THEMIS: variants seen among roughly 807,000 people sequenced by gnomAD.
THEMIS encodes the protein protein THEMIS.
Under a neutral mutation model 52.6 loss-of-function variants are expected in THEMIS, and 37 were observed. The ratio of observed to expected loss-of-function variants is 0.70; its 90% CI spans 0.54 to 0.93. The LOEUF is 0.93. Among genes scored for constraint, THEMIS ranks in the 40% least tolerant of loss-of-function variants. The pLI is 0.00. For synonymous variants in THEMIS, 292 were observed against 272.7 expected, an observed-to-expected ratio of 1.07 and a Z score of -0.70; for missense variants, 808 against 763.1, an observed-to-expected ratio of 1.06 and a Z score of -0.69.
chr6:127,866,913 G>C (rs1486064391), intron 1 of THEMIS, among the ~76,000 whole-genome samples: 1 of 151,312 alleles, frequency 6.6e-6, no homozygotes, highest in Non-Finnish European at 1.5e-5. Flanking sequence ...CAGGCACAAA[G>C]AGCTTTGGCT....
At chr6:127,822,869 A>T (rs1237045535) in intron 3 of THEMIS, among the ~76,000 whole-genome samples, 5 of 152,100 alleles carry the variant, frequency 3.3e-5, no homozygotes, top group Non-Finnish European at 7.4e-5. Context: ...ATTCTCCCTC[A>T]AAACTGCAGC....
intron 2 of THEMIS, among the ~76,000 whole-genome samples, chr6:127,850,836 G>C (rs1464278359): frequency 6.6e-6 from 1 of 151,424 alleles, no homozygotes; most frequent in Non-Finnish European, 1.5e-5. Flanking sequence ...CACCACTAAA[G>C]AACTTATCCA....
downstream of THEMIS, among the ~76,000 whole-genome samples, chr6:127,703,101 G>A (rs186008511): frequency 0.063 from 8,052 of 127,420 alleles, 266 homozygotes; most frequent in Middle Eastern, 0.1. Flanking sequence ...AGGCTGGAGT[G>A]CAGTGGCGGG....
At chr6:127,757,848 A>C (rs1222554677) in intron 4 of THEMIS, among the ~76,000 whole-genome samples, 1 of 152,130 alleles carries the variant, frequency 6.6e-6, no homozygotes, top group African/African-American at 2.4e-5. Context: ...ATAGCTAAGA[A>C]TATTATCTTC....
At chr6:127,740,407 G>A (rs1775158640) in intron 4 of THEMIS, among the ~76,000 whole-genome samples, 1 of 151,418 alleles carries the variant, frequency 6.6e-6, no homozygotes, top group Non-Finnish European at 1.5e-5. Context: ...TTTAAATGTT[G>A]CTAAAAAAAA....
intron 4 of THEMIS, among the ~76,000 whole-genome samples, chr6:127,765,498 AAT>A (rs1776165033): frequency 6.6e-6 from 1 of 152,112 alleles, no homozygotes. Context: ...GTTTGTAAAT[AAT>A]GAAAAGAAAT....
chr6:127,846,027 C>T lies in THEMIS; in HGVS notation c.250+9003G>A, dbSNP rs115835668. Among the ~76,000 whole-genome samples, 508 of 152,008 alleles carry T rather than the reference C, an allele frequency of 3.3e-3. 3 individuals carry two copies. The highest frequency in any genetic ancestry group is 0.012 in the African/African-American group (481 of 41,514). On this transcript the variant is annotated intron_variant, in intron 2 of 5. Transcript: ENST00000368248. ...TTTCAATTACCTGACTGAGTGTTGA[C>T]AGAATGTTCCCAAATGAACAACAGA... is the stretch of plus-strand genomic sequence containing the variant.
At chr6:127,874,358 C>T (rs1214330934) in intron 1 of THEMIS, among the ~76,000 whole-genome samples, 2 of 152,116 alleles carry the variant, frequency 1.3e-5, no homozygotes, top group Non-Finnish European at 2.9e-5. Context: ...CTGTGACTAG[C>T]ACCATAAACA....
At chr6:127,828,535 T>C (rs1778584882) in intron 3 of THEMIS, among the ~76,000 whole-genome samples, 1 of 152,204 alleles carries the variant, frequency 6.6e-6, no homozygotes. Context: ...TTCAGAACTC[T>C]TTACTATCCA....
Position 127,787,880 on chromosome 6 carries a change from T to TAGATAGATAGATAGATAGATATAG in THEMIS, c.1758+25002_1758+25003insCTATATCTATCTATCTATCTATCT, listed in dbSNP as rs200767496. 2.2e-3 allele frequency among the ~76,000 whole-genome samples: 268 copies of TAGATAGATAGATAGATAGATATAG among 119,986 alleles called. 1 individual carries two copies. Among genetic ancestry groups the TAGATAGATAGATAGATAGATATAG allele is most frequent in the South Asian group, 8.0e-3 (29 of 3,632 alleles). The allele number at this position is 119,986 out of a possible 152,430, so 78.7% of individuals were successfully genotyped here. A position where few individuals can be genotyped will look rare whatever the true frequency, so the allele number is the denominator to read the frequency against. On this transcript the variant is annotated intron_variant, in intron 4 of 5. Transcript: ENST00000368248. ...ATAGATAGATAGATAGATAGATAGA[T>TAGATAGATAGATAGATAGATATAG]ATAGATAGATAGATAGATAGATAGA...
chr6:127,892,428 A>G (rs77087868), intron 1 of THEMIS, among the ~76,000 whole-genome samples: 1 of 152,296 alleles, frequency 6.6e-6, no homozygotes, highest in East Asian at 1.9e-4. Flanking sequence ...TCAGTGCTTC[A>G]TGACACTTGT....
At chr6:127,915,873 G>T (rs1272065695) in intron 1 of THEMIS, among the ~76,000 whole-genome samples, 1 of 152,146 alleles carries the variant, frequency 6.6e-6, no homozygotes, top group Non-Finnish European at 1.5e-5. Flanking sequence ...TGTAATCCCA[G>T]CTACTCGGGA....
intron 4 of THEMIS, among the ~76,000 whole-genome samples, 166 bp from the exon 5 acceptor site, chr6:127,719,989 G>A (rs1774309162): frequency 6.6e-6 from 1 of 151,922 alleles, no homozygotes; most frequent in Admixed American, 6.6e-5. Flanking sequence ...TTTGGAAACT[G>A]AGGTGTACAA....
chr6:127,795,681 C>A (rs1777308311), intron 4 of THEMIS, among the ~76,000 whole-genome samples: 1 of 152,040 alleles, frequency 6.6e-6, no homozygotes, highest in South Asian at 2.1e-4. Context: ...TTTGAAAGTA[C>A]AGGAAGCTGA....
chr6:127,753,621 G>A (rs1454368711), intron 4 of THEMIS, among the ~76,000 whole-genome samples: 1 of 151,856 alleles, frequency 6.6e-6, no homozygotes, highest in Non-Finnish European at 1.5e-5. Flanking sequence ...AAGCACAAAT[G>A]ACCCTGAAAA....
chr6:127,901,268 A>G (rs1277181019), upstream of THEMIS, among the ~76,000 whole-genome samples: 1 of 152,070 alleles, frequency 6.6e-6, no homozygotes, highest in Non-Finnish European at 1.5e-5. Flanking sequence ...TTGTTAATCC[A>G]GGTGTGCATC....
chr6:127,912,738 C>A (rs759909656), intron 1 of THEMIS, among the ~76,000 whole-genome samples: 5 of 152,218 alleles, frequency 3.3e-5, no homozygotes, highest in Middle Eastern at 3.4e-3. Context: ...ACATAATACA[C>A]AACTGAAAAA....
intron 4 of THEMIS, among the ~76,000 whole-genome samples, chr6:127,785,520 A>G (rs1776919413): frequency 6.6e-6 from 1 of 151,824 alleles, no homozygotes; most frequent in Admixed American, 6.6e-5. Flanking sequence ...GATACATTTA[A>G]CTAGAGAGTT....
chr6:127,730,682 T>C (rs1398694592), intron 4 of THEMIS, among the ~76,000 whole-genome samples: 1 of 152,246 alleles, frequency 6.6e-6, no homozygotes, highest in African/African-American at 2.4e-5. Flanking sequence ...AGAGGCTTCA[T>C]AGGTTGCACA....
Sources: gnomAD v4.1 joint callset for allele counts (sites outside exome capture counted in the v4.1 genomes callset) on GRCh38, gnomAD v4.1.1 for gene constraint, MANE v1.5 for transcripts, NCBI Gene and HGNC (gene_info 2026-07-23, HGNC 2026-07-21) for gene names.